Variants in ZNG1B observed in about 807,000 individuals in gnomAD.
The protein encoded by ZNG1B is Zn regulated GTPase metalloprotein activator 1B, also known as zinc-regulated GTPase metalloprotein activator 1B.
the ZNG1B span, among the ~76,000 whole-genome samples, chr2:113,476,563 G>T: frequency 1.4e-5 from 2 of 148,080 alleles, no homozygotes; most frequent in Non-Finnish European, 3.0e-5. Context: ...GAGGAGAGGC[G>T]CTGCGTTCCT....
the ZNG1B span, chr2:113,460,540 T>C: frequency 2.6e-5 from 35 of 1,344,394 alleles, no homozygotes; most frequent in African/African-American, 5.0e-4. Flanking sequence ...GTTTTGGATT[T>C]GTGTATTCAG....
chr2:113,462,904 T>G, the ZNG1B span: 1 of 103,700 alleles, frequency 9.6e-6, no homozygotes, highest in East Asian at 2.0e-4. Flanking sequence ...TTGTTCTGTT[T>G]TTTTTTTTTT....
At chr2:113,464,778 A>G in the ZNG1B span, among the ~76,000 whole-genome samples, 2 of 151,338 alleles carry the variant, frequency 1.3e-5, no homozygotes, top group East Asian at 4.0e-4. Context: ...AATTTTGAGT[A>G]TCTACTCATT....
the ZNG1B span, among the ~76,000 whole-genome samples, chr2:113,484,548 TTTTG>T: frequency 2.6e-5 from 4 of 152,266 alleles, no homozygotes; most frequent in Admixed American, 6.5e-5. Flanking sequence ...GAGGATAGTT[TTTTG>T]TTTGTTTGTT....
the ZNG1B span, among the ~76,000 whole-genome samples, chr2:113,471,770 A>T: frequency 5.9e-5 from 9 of 151,908 alleles, no homozygotes; most frequent in Non-Finnish European, 8.8e-5. Flanking sequence ...ATGGAGAATG[A>T]TGATTTCCAA....
At chr2:113,453,274 C>T in the ZNG1B span, 4 of 1,578,934 alleles carry the variant, frequency 2.5e-6, no homozygotes, top group Non-Finnish European at 3.4e-6. Context: ...GACGGAGTCT[C>T]ACTTTGTTGC....
the ZNG1B span, among the ~76,000 whole-genome samples, chr2:113,442,221 TTTAAG>T: frequency 1.3e-5 from 2 of 151,914 alleles, no homozygotes; most frequent in African/African-American, 4.9e-5. Flanking sequence ...CCTCATGTAT[TTTAAG>T]TTATCTGTGA....
At chr2:113,472,111 G>C in the ZNG1B span, among the ~76,000 whole-genome samples, 5 of 147,772 alleles carry the variant, frequency 3.4e-5, no homozygotes, top group African/African-American at 1.3e-4. Context: ...CAGTGTAAAA[G>C]TGTTCCTATT....
chr2:113,456,442 C>T, the ZNG1B span, among the ~76,000 whole-genome samples: 1 of 137,334 alleles, frequency 7.3e-6, no homozygotes, highest in South Asian at 2.2e-4. Flanking sequence ...CAGATAACTG[C>T]TAAGACATTT....
At chr2:113,455,513 T>C in the ZNG1B span, 1 of 1,020,554 alleles carries the variant, frequency 9.8e-7, no homozygotes, top group Non-Finnish European at 1.3e-6. Flanking sequence ...TCTTTAAAAG[T>C]ATGTTGTTAC....
chr2:113,440,111 C>T, the ZNG1B span, among the ~76,000 whole-genome samples: 2 of 151,440 alleles, frequency 1.3e-5, no homozygotes, highest in Non-Finnish European at 2.9e-5. Flanking sequence ...GTCTCGATCT[C>T]CTGACCTCGT....
chr2:113,453,186 A>G, the ZNG1B span: 2 of 1,591,784 alleles, frequency 1.3e-6, no homozygotes, highest in South Asian at 1.2e-5. Context: ...AGGGAGTGAT[A>G]TTTACCTTGA....
chr2:113,461,722 TAAA>T, the ZNG1B span, among the ~76,000 whole-genome samples: 1 of 152,092 alleles, frequency 6.6e-6, no homozygotes, highest in Admixed American at 6.5e-5. Context: ...TTTATAGTGA[TAAA>T]GAAGACATTT....
the ZNG1B span, chr2:113,457,207 C>T: frequency 2.2e-6 from 1 of 447,318 alleles, no homozygotes. Context: ...CAGAGAAGGT[C>T]AAGTGAGAGG....
the ZNG1B span, among the ~76,000 whole-genome samples, chr2:113,483,442 A>G: frequency 6.6e-6 from 1 of 151,540 alleles, no homozygotes. Context: ...TGTTACAAGA[A>G]TGAAAAGCTG....
At chr2:113,485,192 C>T in the ZNG1B span, among the ~76,000 whole-genome samples, 2 of 139,322 alleles carry the variant, frequency 1.4e-5, no homozygotes, top group Non-Finnish European at 3.1e-5. Flanking sequence ...TTTTTTTTGA[C>T]CGGAAGAAGT....
At chr2:113,444,211 G>A in the ZNG1B span, 11 of 386,236 alleles carry the variant, frequency 2.8e-5, no homozygotes, top group Admixed American at 9.5e-5. Flanking sequence ...AAAAATAAAT[G>A]ACTATCAAAA....
the ZNG1B span, chr2:113,437,903 A>C: frequency 6.2e-7 from 1 of 1,611,920 alleles, no homozygotes; most frequent in Non-Finnish European, 8.5e-7. Context: ...GATGAGGAGG[A>C]GGATCCTGCG....
the ZNG1B span, chr2:113,443,884 G>GTACA: frequency 7.0e-7 from 1 of 1,425,946 alleles, no homozygotes; most frequent in Non-Finnish European, 9.6e-7. Flanking sequence ...TGTTTACTGT[G>GTACA]TACATGGTTT....
Sources: allele counts gnomAD v4.1 joint callset (sites outside exome capture counted in the v4.1 genomes callset), GRCh38; gene constraint gnomAD v4.1.1; transcripts MANE v1.5; gene names NCBI Gene and HGNC (gene_info 2026-07-23, HGNC 2026-07-21).